WEE2: variants seen among roughly 807,000 people sequenced by gnomAD.
WEE2 encodes wee1-like protein kinase 2.
In WEE2, 50 loss-of-function variants were observed where a neutral mutation model predicts 60.1. The ratio of observed to expected loss-of-function variants is 0.83; its 90% CI spans 0.66 to 1.05. The LOEUF is 1.05. WEE2 is among the 50% of genes least tolerant of loss of function. The pLI is 0.00. For synonymous variants in WEE2, 240 were observed against 241.0 expected, an observed-to-expected ratio of 1.00 and a Z score of 0.04; for missense variants, 631 against 684.3, an observed-to-expected ratio of 0.92 and a Z score of 0.87.
chr7:141,724,345 G>A, intron 8 of WEE2, 70 bp downstream of exon 8: 1 of 1,360,972 alleles, frequency 7.3e-7, no homozygotes, highest in Non-Finnish European at 1.0e-6. Context: ...GAGGATCTCA[G>A]TGCAAAAAAT....
intron 8 of WEE2, 98 bp from the exon 9 acceptor site, chr7:141,724,928 T>G (rs1372030859): frequency 1.5e-6 from 2 of 1,375,866 alleles, no homozygotes; most frequent in Non-Finnish European, 2.0e-6. Context: ...TGTTTAAACC[T>G]TATATGCACT....
Position 141,709,012 on chromosome 7 carries a change from T to C in WEE2, c.254T>C (p.Val85Ala), listed in dbSNP as rs1798668279. The change falls in exon 1 of 12, where the codon GTG (valine) becomes GCG (alanine). Residue 85 changes from valine to alanine, a missense_variant. Transcript: ENST00000397541. ...CCAGATCAGATTTTGAGGACTCCAG[T>C]GTCACACCCTCTCAAATGTCCTGAG... ...ESPDQILRTPVSHPLKCPETP... is the reference protein window; with the variant it reads ...ESPDQILRTPASHPLKCPETP... 6.2e-7 allele frequency: 1 copy of C among 1,614,104 alleles called. No homozygotes were observed.
At position 141,724,003 on chromosome 7, in the gene WEE2, A is replaced by G; in HGVS notation, c.1090A>G (p.Asn364Asp). The change falls in exon 7 of 12, where the codon AAT (asparagine) becomes GAT (aspartate). Residue 364 changes from asparagine (N) to aspartate (D), a missense_variant. Physicochemically the swap from Asn to Asp is conservative, Grantham distance 23 (BLOSUM62 1). Transcript: ENST00000397541. ...CTCTGGAGTCATAGAAGAAGTTGAA[A>G]ATGAAGCTGATTGGTTTCTCTCTGC... Reference protein sequence around the residue: ...ESSGVIEEVENEADWFLSANV... With the variant: ...ESSGVIEEVEDEADWFLSANV... 1 of 1,613,678 alleles carries G rather than the reference A, an allele frequency of 6.2e-7. No individual in the cohort carries two copies. The highest frequency in any genetic ancestry group is 1.1e-5 in the South Asian group (1 of 90,944).
chr7:141,715,435 ATCAC>A (rs1340954631), intron 2 of WEE2, among the ~76,000 whole-genome samples: 3 of 152,188 alleles, frequency 2.0e-5, no homozygotes, highest in Non-Finnish European at 4.4e-5. Context: ...GTGGTACTAA[ATCAC>A]AAATACCAAG....
intron 6 of WEE2, among the ~76,000 whole-genome samples, chr7:141,723,484 C>T (rs1391995536): frequency 6.6e-6 from 1 of 152,118 alleles, no homozygotes; most frequent in Non-Finnish European, 1.5e-5. Flanking sequence ...AAGACTCTTA[C>T]CCATATAGTA....
At chr7:141,724,551 T>C (rs560680620) in intron 8 of WEE2, among the ~76,000 whole-genome samples, 1 of 152,324 alleles carries the variant, frequency 6.6e-6, no homozygotes, top group East Asian at 1.9e-4. Flanking sequence ...GATTGCCTAC[T>C]AAGAAGGAAG....
intron 1 of WEE2, among the ~76,000 whole-genome samples, chr7:141,710,668 G>A (rs188897907): frequency 5.1e-4 from 77 of 152,294 alleles, no homozygotes; most frequent in African/African-American, 1.6e-3. Flanking sequence ...GATATTTGGA[G>A]TTAGCCAGGC....
Position 141,711,561 on chromosome 7 carries a change from C to T in WEE2, c.342+2461C>T, listed in dbSNP as rs1045285158. ...GAAATTCAGTTCACTGTAAGGACTT[C>T]CTGACAGAATCATCTAGAGATAGAA... On this transcript the variant is annotated intron_variant, in intron 1 of 11. Coordinates refer to ENST00000397541, the MANE Select transcript of WEE2 (RefSeq NM_001105558.1). The surrounding 1 kb of genome is among the most constrained non-coding windows in gnomAD (Gnocchi z 4.2). Among the ~76,000 whole-genome samples the T allele has an allele frequency of 2.6e-5, 4 of 152,266 alleles. No homozygotes were observed. Among genetic ancestry groups the T allele is most frequent in the Admixed American group, 6.5e-5 (1 of 15,300 alleles).
In WEE2 at chr7:141,708,591, G is replaced by C. The variant is rs1798657210; in HGVS notation, c.-168G>C. 1.6e-6 allele frequency: 1 copy of C among 623,098 alleles called. No individual in the cohort carries two copies. The highest frequency in any genetic ancestry group is 1.8e-5 in the African/African-American group (1 of 54,370). The allele number at this position is 623,098 out of a possible 1,614,324, so 38.6% of individuals were successfully genotyped here. Reference sequence around the variant, plus strand: ...GGTCTTATAGATTGGTGGTACTTAAGGCAGAAAATTAACACCGTGTTTTGT... The same window carrying C: ...GGTCTTATAGATTGGTGGTACTTAACGCAGAAAATTAACACCGTGTTTTGT... On this transcript the variant is annotated 5_prime_UTR_variant, in exon 1 of 12. Coordinates refer to ENST00000397541, the MANE Select transcript of WEE2 (RefSeq NM_001105558.1).
chr7:141,713,931 T>C (rs1563012477), intron 1 of WEE2, among the ~76,000 whole-genome samples: 2 of 152,198 alleles, frequency 1.3e-5, no homozygotes, highest in Admixed American at 6.5e-5. Flanking sequence ...CTGGTTTTCA[T>C]AGCTAGCTAA....
chr7:141,715,765 T>C (rs1372026401), intron 2 of WEE2, among the ~76,000 whole-genome samples: 1 of 152,220 alleles, frequency 6.6e-6, no homozygotes, highest in Non-Finnish European at 1.5e-5. Flanking sequence ...GTGTCAGACC[T>C]GGCTCCAAGT....
chr7:141,727,053 T>C (rs1799029863), intron 9 of WEE2, among the ~76,000 whole-genome samples: 1 of 152,178 alleles, frequency 6.6e-6, no homozygotes, highest in Non-Finnish European at 1.5e-5. Context: ...ACTAAGGCAA[T>C]AGACTAGTTA....
chr7:141,722,837 T>C (rs985332792), intron 5 of WEE2, among the ~76,000 whole-genome samples: 8 of 152,230 alleles, frequency 5.3e-5, no homozygotes, highest in African/African-American at 1.9e-4. Flanking sequence ...CATTTTCTTT[T>C]CCTCTTTGAA....
intron 4 of WEE2, 116 bp from the exon 5 acceptor site, chr7:141,720,819 T>C: frequency 1.8e-6 from 2 of 1,107,876 alleles, no homozygotes; most frequent in Admixed American, 2.0e-5. Context: ...AAGCAAGCAG[T>C]GAGCTCTCAA....
At chr7:141,723,915 CATCT>C in intron 6 of WEE2, 22 bp from the exon 7 acceptor site, 1 of 1,473,186 alleles carries the variant, frequency 6.8e-7, no homozygotes, top group Non-Finnish European at 9.4e-7. Flanking sequence ...TCATTACTTA[CATCT>C]ATCCTGTCAT....
At chr7:141,713,532 C>A (rs528108116) in intron 1 of WEE2, among the ~76,000 whole-genome samples, 1 of 152,280 alleles carries the variant, frequency 6.6e-6, no homozygotes, top group East Asian at 1.9e-4. Context: ...GTTGTAGCCA[C>A]TGCAAAGATC....
intron 3 of WEE2, among the ~76,000 whole-genome samples, chr7:141,717,331 A>G (rs903964771): frequency 3.9e-5 from 6 of 152,224 alleles, no homozygotes; most frequent in Non-Finnish European, 8.8e-5. Flanking sequence ...GCTATTGTAA[A>G]CATCACAGAA....
Position 141,720,932 on chromosome 7 carries a change from T to C in WEE2, c.759-3T>C, listed in dbSNP as rs900634192. ...TATTCCTCAATGCTTTTCTGTCTCA[T>C]AGGAATTCGGCTTTGCATGAAGTTT... On this transcript the variant is annotated splice_region_variant and splice_polypyrimidine_tract_variant and intron_variant, in intron 4 of 11. Transcript: ENST00000397541. 3.1e-6 allele frequency: 5 copies of C among 1,610,762 alleles called. No homozygotes were observed. Among genetic ancestry groups the C allele is most frequent in the Middle Eastern group, 1.7e-4 (1 of 6,054 alleles).
chr7:141,714,230 A>T lies in WEE2; in HGVS notation c.364A>T (p.Ile122Phe). The T allele has an allele frequency of 6.2e-7, 1 of 1,611,882 alleles. No individual in the cohort carries two copies. The highest frequency in any genetic ancestry group is 1.7e-4 in the Middle Eastern group (1 of 6,042). ...TCAGACCATGCTGAGCCGGTTGGTG[A>T]TTTCTCCAACAGGGAAGCTTCCTTC... ...TPKTMLSRLV[I>F]SPTGKLPSRG... The change falls in exon 2 of 12, where the codon ATT becomes TTT. Residue 122 changes from isoleucine (I) to phenylalanine (F), a missense_variant. Physicochemically the swap from Ile to Phe is conservative, Grantham distance 21. Transcript: ENST00000397541.
Sources: gnomAD v4.1 joint callset for allele counts (sites outside exome capture counted in the v4.1 genomes callset) on GRCh38, gnomAD v4.1.1 for gene constraint, Gnocchi (gnomAD v3.1) non-coding constraint, MANE v1.5 for transcripts, NCBI Gene and HGNC (gene_info 2026-07-23, HGNC 2026-07-21) for gene names.